ADORA2B: variants seen among roughly 807,000 people sequenced by gnomAD.
ADORA2B encodes the protein adenosine A2b receptor, also known as adenosine receptor A2b.
ADORA2B carries 18 observed loss-of-function variants against 20.8 expected under a neutral mutation model. The observed-to-expected ratio is 0.87, with a 90% confidence interval of 0.60 to 1.29. The LOEUF is 1.29. Ranked by LOEUF, ADORA2B falls within the 50% of genes most tolerant of loss-of-function variation. The pLI is 0.00. For synonymous variants in ADORA2B, 179 were observed against 178.3 expected (o/e 1.00, Z -0.03); for missense variants, 441 against 422.7 (o/e 1.04, Z -0.38).
At chr17:15,953,463 C>G (rs1969931029) in intron 1 of ADORA2B, among the ~76,000 whole-genome samples, 1 of 152,356 alleles carries the variant, frequency 6.6e-6, no homozygotes, top group East Asian at 1.9e-4. Flanking sequence ...GGCATTTGCC[C>G]CGAGGGGCGC....
chr17:15,917,677 T>TCCGCG, the ADORA2B span, among the ~76,000 whole-genome samples: 1 of 152,204 alleles, frequency 6.6e-6, no homozygotes, highest in Non-Finnish European at 1.5e-5. Context: ...AGGCTGCGGC[T>TCCGCG]CCGCGCCGGT....
At chr17:15,928,924 T>C in the ADORA2B span, among the ~76,000 whole-genome samples, 1 of 152,072 alleles carries the variant, frequency 6.6e-6, no homozygotes, top group African/African-American at 2.4e-5. Context: ...TCCCTAAGCA[T>C]GCTCTTGGAG....
the ADORA2B span, among the ~76,000 whole-genome samples, chr17:15,917,898 G>A: frequency 6.6e-6 from 1 of 152,196 alleles, no homozygotes; most frequent in African/African-American, 2.4e-5. Flanking sequence ...GCTCGGGCTC[G>A]GTCCCAGCCC....
chr17:15,964,910 A>C (rs919195111), intron 1 of ADORA2B, among the ~76,000 whole-genome samples: 3 of 151,882 alleles, frequency 2.0e-5, no homozygotes, highest in Admixed American at 6.6e-5. Context: ...AAATACAAAA[A>C]ATTAGCCCGT....
At chr17:15,872,575 A>G in the ADORA2B span, among the ~76,000 whole-genome samples, 2 of 152,172 alleles carry the variant, frequency 1.3e-5, no homozygotes, top group African/African-American at 4.8e-5. Flanking sequence ...CTATAATTTC[A>G]GCAGTGTTTT....
chr17:15,939,754 G>C, the ADORA2B span, among the ~76,000 whole-genome samples: 1 of 151,588 alleles, frequency 6.6e-6, no homozygotes, highest in African/African-American at 2.4e-5. Context: ...CCAGCTACTT[G>C]GGAGGCTGAG....
chr17:15,895,728 A>G, the ADORA2B span, among the ~76,000 whole-genome samples: 2 of 152,056 alleles, frequency 1.3e-5, no homozygotes, highest in Non-Finnish European at 2.9e-5. Context: ...TGTGTTGGAG[A>G]GGGCGGGCAC....
At chr17:15,931,852 C>G in the ADORA2B span, among the ~76,000 whole-genome samples, 1 of 152,104 alleles carries the variant, frequency 6.6e-6, no homozygotes, top group African/African-American at 2.4e-5. Flanking sequence ...GTGCCTCAGC[C>G]TCCCGAGTAG....
the ADORA2B span, among the ~76,000 whole-genome samples, chr17:15,854,143 C>CG: frequency 9.2e-5 from 14 of 152,052 alleles, no homozygotes; most frequent in African/African-American, 3.1e-4. Context: ...TTAGTGGAGG[C>CG]GGGGTTTCTC....
In ADORA2B at chr17:15,975,078, G is replaced by C; in HGVS notation, c.735G>C (p.Leu245=). The change falls in exon 2 of 2, where the codon CTG becomes CTC. Residue 245 remains leucine (L), a synonymous_variant. Coordinates refer to ENST00000304222, the MANE Select transcript of ADORA2B (RefSeq NM_000676.4). ...CCATGATTGTGGGGATTTTTGCCCT[G>C]TGCTGGTTACCTGTGCATGCTGTTA... The part of the protein sequence containing the change: ...SLAMIVGIFA[L]CWLPVHAVNC... 2 of 1,614,140 alleles carry C rather than the reference G, an allele frequency of 1.2e-6. No individual in the cohort carries two copies. Among genetic ancestry groups the C allele is most frequent in the Non-Finnish European group, 8.5e-7 (1 of 1,180,014 alleles).
At chr17:15,934,373 A>G in the ADORA2B span, among the ~76,000 whole-genome samples, 1 of 152,062 alleles carries the variant, frequency 6.6e-6, no homozygotes, top group East Asian at 1.9e-4. Flanking sequence ...CTACAGGTGC[A>G]TGCCACTATG....
chr17:15,888,905 C>A, the ADORA2B span, among the ~76,000 whole-genome samples: 1 of 75,190 alleles, frequency 1.3e-5, no homozygotes, highest in Non-Finnish European at 2.3e-5. Context: ...CTTTGTTGCC[C>A]AGGCTGGAGT....
the ADORA2B span, among the ~76,000 whole-genome samples, chr17:15,900,615 T>C: frequency 6.6e-6 from 1 of 151,990 alleles, no homozygotes; most frequent in African/African-American, 2.4e-5. Flanking sequence ...CCCAGCTAAT[T>C]AAAAAAATTT....
chr17:15,869,677 A>G, the ADORA2B span, among the ~76,000 whole-genome samples: 2 of 152,190 alleles, frequency 1.3e-5, no homozygotes, highest in African/African-American at 4.8e-5. Flanking sequence ...AGCTGGGCAC[A>G]ATCCACAGTG....
chr17:15,964,597 A>C (rs2151604618), intron 1 of ADORA2B, among the ~76,000 whole-genome samples: 1 of 149,410 alleles, frequency 6.7e-6, no homozygotes, highest in Admixed American at 6.6e-5. Context: ...TCTGGGCGAC[A>C]AGAGCAAGAC....
the ADORA2B span, among the ~76,000 whole-genome samples, chr17:15,911,216 G>C: frequency 6.6e-6 from 1 of 152,198 alleles, no homozygotes; most frequent in Non-Finnish European, 1.5e-5. Context: ...AATTCAACCC[G>C]AGAGTTATTA....
chr17:15,974,817 G>A lies in ADORA2B; in HGVS notation c.474G>A (p.Trp158Ter). The change falls in exon 2 of 2, where the codon TGG becomes TGA. Residue 158 changes from tryptophan to a stop codon, truncating the protein, a stop_gained. Coordinates refer to ENST00000304222, the MANE Select transcript of ADORA2B (RefSeq NM_000676.4). LOFTEE classifies it high-confidence loss of function. ...DSATNNCTEP[W>*]DGTTNESCCL... ...CCACCAACAACTGCACAGAACCCTG[G>A]GATGGAACCACGAATGAAAGCTGCT... The A allele has an allele frequency of 6.2e-7, 1 of 1,614,156 alleles. No homozygotes were observed. Among genetic ancestry groups the A allele is most frequent in the East Asian group, 2.2e-5 (1 of 44,868 alleles).
the ADORA2B span, among the ~76,000 whole-genome samples, chr17:15,886,628 C>G: frequency 7.7e-6 from 1 of 130,482 alleles, no homozygotes; most frequent in East Asian, 2.0e-4. Flanking sequence ...TAGCTGTGAC[C>G]TTTTTTAGAA....
the ADORA2B span, among the ~76,000 whole-genome samples, chr17:15,914,939 G>A: frequency 2.0e-5 from 3 of 152,282 alleles, no homozygotes; most frequent in Non-Finnish European, 4.4e-5. Flanking sequence ...GACTACCTCG[G>A]GCTGAGTCAT....
Sources: allele counts gnomAD v4.1 joint callset (sites outside exome capture counted in the v4.1 genomes callset), GRCh38; gene constraint gnomAD v4.1.1; transcripts MANE v1.5; gene names NCBI Gene and HGNC (gene_info 2026-07-23, HGNC 2026-07-21).